The following OSBPL10 variants were observed in gnomAD, a reference collection of about 807,000 sequenced individuals.
OSBPL10 encodes oxysterol-binding protein-related protein 10.
OSBPL10 carries 49 observed loss-of-function variants against 81.7 expected under a neutral mutation model. The ratio of observed to expected loss-of-function variants is 0.60; its 90% CI spans 0.48 to 0.76. OSBPL10 has a LOEUF of 0.76. Among genes scored for constraint, OSBPL10 ranks in the 30% least tolerant of loss-of-function variants. The pLI is 0.00. For missense variants in OSBPL10, 923 were observed against 987.8 expected (o/e 0.93, Z 0.88); for synonymous variants, 419 against 383.6 (o/e 1.09, Z -1.08).
At chr3:31,712,796 T>C (rs78849953) in intron 6 of OSBPL10, among the ~76,000 whole-genome samples, 319 of 152,382 alleles carry the variant, frequency 2.1e-3, no homozygotes, top group Admixed American at 3.5e-3. Flanking sequence ...ATCTCAGACT[T>C]ACTGTGTCTA....
intron 3 of OSBPL10, among the ~76,000 whole-genome samples, chr3:31,833,863 C>G (rs776622198): frequency 7.2e-5 from 11 of 152,116 alleles, no homozygotes; most frequent in Non-Finnish European, 1.6e-4. Flanking sequence ...ATCAGATTCA[C>G]CCAAGAGCAA....
intron 3 of OSBPL10, among the ~76,000 whole-genome samples, chr3:31,830,521 A>C (rs1448742705): frequency 6.6e-6 from 1 of 151,970 alleles, no homozygotes; most frequent in Non-Finnish European, 1.5e-5. Context: ...CCCACACACC[A>C]TGGACGCTCA....
intron 1 of OSBPL10, among the ~76,000 whole-genome samples, chr3:31,940,788 C>A (rs1341154879): frequency 6.6e-6 from 1 of 152,112 alleles, no homozygotes; most frequent in Non-Finnish European, 1.5e-5. Flanking sequence ...GCCAGGAAGT[C>A]TTCCCAATCC....
At chr3:32,011,179 G>A (rs1339442167) in intron 2 of OSBPL10, among the ~76,000 whole-genome samples, 7 of 152,196 alleles carry the variant, frequency 4.6e-5, no homozygotes, top group African/African-American at 1.2e-4. Flanking sequence ...AGCCTAACTG[G>A]GAGGCACCCC....
At position 31,664,202 on chromosome 3, in the gene OSBPL10, CAGGT is replaced by C; in HGVS notation, c.2123_2126del (p.Tyr708CysfsTer67). 6.2e-7 allele frequency: 1 copy of C among 1,612,988 alleles called. No individual in the cohort carries two copies. Among genetic ancestry groups the C allele is most frequent in the Non-Finnish European group, 8.5e-7 (1 of 1,180,016 alleles). Reference sequence around the variant, plus strand: ...TGGCTGCGTCAATGTCCCCCAGCCGCAGGTATCGGGTCACCTCCCGCCAGAGGTT... The same window carrying C: ...TGGCTGCGTCAATGTCCCCCAGCCGCATCGGGTCACCTCCCGCCAGAGGTT... On this transcript the variant is annotated frameshift_variant, in exon 11 of 12. Coordinates refer to ENST00000396556, the MANE Select transcript of OSBPL10 (RefSeq NM_017784.5). LOFTEE classifies it high-confidence loss of function.
intron 4 of OSBPL10, among the ~76,000 whole-genome samples, chr3:31,767,580 CCG>C (rs1698238551): frequency 5.9e-5 from 5 of 84,452 alleles, no homozygotes; most frequent in Non-Finnish European, 1.4e-4. Flanking sequence ...TTAGAAGTCC[CCG>C]TGCCCCAAGT....
At chr3:31,731,520 G>A (rs962845060) in intron 6 of OSBPL10, among the ~76,000 whole-genome samples, 6 of 144,150 alleles carry the variant, frequency 4.2e-5, no homozygotes, top group African/African-American at 5.1e-5. Flanking sequence ...ATGGTGTCTC[G>A]TTCTGTTGCC....
rs374337527 is a variant in OSBPL10 at position 32,050,278 on chromosome 3, G to A, written n.186-3675C>T. 3.3e-4 allele frequency among the ~76,000 whole-genome samples: 51 copies of A among 152,318 alleles called. 1 individual carries two copies. The highest frequency in any genetic ancestry group is 1.2e-3 in the South Asian group (6 of 4,832). On this transcript the variant is annotated intron_variant and non_coding_transcript_variant, in intron 1 of 3. Coordinates refer to the OSBPL10 transcript ENST00000479173. ...CCTTCTGAGAAGAGCAATAGAGACT[G>A]CCCAGTGCTGTAGCTTAGTAGCTAA...
intron 6 of OSBPL10, chr3:31,710,609 T>C (rs1201366732): frequency 6.6e-6 from 1 of 152,242 alleles, no homozygotes; most frequent in African/African-American, 2.4e-5. Flanking sequence ...ATGTGTGAAC[T>C]AAGCAAGACA....
chr3:32,075,852 A>C (rs552843994), intron 1 of OSBPL10, among the ~76,000 whole-genome samples: 47 of 152,342 alleles, frequency 3.1e-4, no homozygotes, highest in Non-Finnish European at 5.3e-4. Flanking sequence ...GCCTGAAGCA[A>C]CTGAAGATCC....
At chr3:32,054,283 TA>T (rs1699690488) in intron 1 of OSBPL10, among the ~76,000 whole-genome samples, 1 of 152,182 alleles carries the variant, frequency 6.6e-6, no homozygotes, top group Non-Finnish European at 1.5e-5. Flanking sequence ...TTAGGTCCCC[TA>T]AAGTCCAAAA....
chr3:31,862,298 A>T (rs1463719051), intron 3 of OSBPL10, among the ~76,000 whole-genome samples: 1 of 152,214 alleles, frequency 6.6e-6, no homozygotes, highest in African/African-American at 2.4e-5. Flanking sequence ...CCAAAGGACC[A>T]CACATAGACA....
At chr3:32,076,290 C>A (rs1352537703) in intron 1 of OSBPL10, among the ~76,000 whole-genome samples, 1 of 152,006 alleles carries the variant, frequency 6.6e-6, no homozygotes, top group Non-Finnish European at 1.5e-5. Context: ...ATGGCGTGAA[C>A]CCAGGAGGCA....
intron 3 of OSBPL10, among the ~76,000 whole-genome samples, chr3:31,856,317 T>C (rs188070188): frequency 6.0e-4 from 92 of 152,348 alleles, no homozygotes; most frequent in Non-Finnish European, 1.1e-3. Context: ...GTGTTTTATT[T>C]ACTTAATTTG....
intron 7 of OSBPL10, among the ~76,000 whole-genome samples, chr3:31,688,283 TCACACACA>T (rs55643097): frequency 4.2e-4 from 49 of 115,484 alleles, no homozygotes; most frequent in South Asian, 1.3e-3. Context: ...TCTCTCTCTC[TCACACACA>T]CACACACACA....
At chr3:31,682,681 A>C (rs1559413404) in intron 8 of OSBPL10, among the ~76,000 whole-genome samples, 1 of 152,180 alleles carries the variant, frequency 6.6e-6, no homozygotes, top group Non-Finnish European at 1.5e-5. Flanking sequence ...AACACTTACC[A>C]TTCTTCAACT....
chr3:31,855,620 C>T (rs1263894804), intron 3 of OSBPL10, among the ~76,000 whole-genome samples: 1 of 152,126 alleles, frequency 6.6e-6, no homozygotes, highest in African/African-American at 2.4e-5. Flanking sequence ...CATTATGGTA[C>T]ACAGACATGC....
chr3:31,996,974 A>C (rs1480842336), intron 2 of OSBPL10, among the ~76,000 whole-genome samples: 1 of 152,160 alleles, frequency 6.6e-6, no homozygotes, highest in Non-Finnish European at 1.5e-5. Flanking sequence ...AGCCAGAGGA[A>C]AGGAAATTAT....
At chr3:31,942,001 A>C (rs866855077) in intron 1 of OSBPL10, among the ~76,000 whole-genome samples, 15 of 152,158 alleles carry the variant, frequency 9.9e-5, no homozygotes, top group African/African-American at 2.9e-4. Context: ...ATGGCAGGGC[A>C]CGGTGGCTCA....
Sources: gnomAD v4.1 joint callset for allele counts (sites outside exome capture counted in the v4.1 genomes callset) on GRCh38, gnomAD v4.1.1 for gene constraint, MANE v1.5 for transcripts, NCBI Gene and HGNC (gene_info 2026-07-23, HGNC 2026-07-21) for gene names.